Variants in GARS1 observed in about 807,000 individuals in gnomAD.
The protein encoded by GARS1 is glycyl-tRNA synthetase 1, also known as glycine--tRNA ligase.
GARS1 carries 46 observed loss-of-function variants against 86.4 expected under a neutral mutation model. The observed-to-expected ratio is 0.53, with a 90% CI of 0.42 to 0.68. The LOEUF (loss-of-function observed/expected upper bound fraction) is 0.68, where lower values mean the gene tolerates loss of function less well. GARS1 is among the 30% of genes least tolerant of loss of function. The probability of loss-of-function intolerance (pLI) is 0.00; values close to 1 mark genes in which losing one functional copy is unlikely to be tolerated. For missense variants in GARS1, 797 were observed against 915.6 expected, an observed-to-expected ratio of 0.87 and a Z score of 1.67; for synonymous variants, 342 against 329.8, an observed-to-expected ratio of 1.04 and a Z score of -0.40.
At chr7:30,628,517 T>C (rs1783171062) in intron 13 of GARS1, 43 bp from the exon 14 acceptor site, 1 of 1,336,370 alleles carries the variant, frequency 7.5e-7, no homozygotes, top group Non-Finnish European at 1.1e-6. Flanking sequence ...ATGCATTATG[T>C]GGTATTTGAG....
intron 14 of GARS1, among the ~76,000 whole-genome samples, chr7:30,629,228 A>C (rs1195247432): frequency 1.3e-5 from 2 of 152,178 alleles, no homozygotes; most frequent in African/African-American, 4.8e-5. Context: ...TCACTGTGAA[A>C]GCTTGACAGA....
intron 6 of GARS1, among the ~76,000 whole-genome samples, chr7:30,608,199 C>G (rs1791520594): frequency 3.3e-5 from 5 of 152,118 alleles, no homozygotes; most frequent in Admixed American, 3.3e-4. Context: ...GGATAGATGC[C>G]TAGAAATGGG....
chr7:30,595,753 G>A (rs1486788114), intron 1 of GARS1: 1 of 471,164 alleles, frequency 2.1e-6, no homozygotes, highest in Non-Finnish European at 4.4e-6. Context: ...GTGGGGAGGT[G>A]TCGAACTTTT....
At chr7:30,615,314 A>G (rs1158405443) in intron 8 of GARS1, among the ~76,000 whole-genome samples, 1 of 152,210 alleles carries the variant, frequency 6.6e-6, no homozygotes, top group Non-Finnish European at 1.5e-5. Context: ...GAACCATTTC[A>G]TTTCGCTTTT....
chr7:30,610,025 A>G (rs1030069664), intron 7 of GARS1, among the ~76,000 whole-genome samples: 6 of 152,228 alleles, frequency 3.9e-5, no homozygotes, highest in Non-Finnish European at 7.3e-5. Flanking sequence ...AATGGTTTTA[A>G]AAGCCGTTGA....
chr7:30,633,745 T>G lies in GARS1; in HGVS notation c.2105T>G (p.Leu702Arg). 1.2e-6 allele frequency: 2 copies of G among 1,614,076 alleles called. No individual in the cohort carries two copies. The highest frequency in any genetic ancestry group is 1.7e-6 in the Non-Finnish European group (2 of 1,179,962). Residue 702 changes from leucine to arginine, a missense_variant, in exon 17 of 17, where the codon CTG (leucine) becomes CGG (arginine). Transcript: ENST00000389266. ...TTTCCTTGTCTCTAGATCTCTGAGC[T>G]GCCCAGCATAGTCCAAGACCTAGCC... ...MRQIRAEISELPSIVQDLANG... is the reference protein window; with the variant it reads ...MRQIRAEISERPSIVQDLANG...
At position 30,598,841 on chromosome 7, in the gene GARS1, G is replaced by A; in HGVS notation, c.268G>A (p.Asp90Asn). 6.2e-7 allele frequency: 1 copy of A among 1,614,198 alleles called. No homozygotes were observed. Among genetic ancestry groups the A allele is most frequent in the African/African-American group, 1.3e-5 (1 of 75,060 alleles). The change falls in exon 2 of 17, where the codon GAC becomes AAC. Residue 90 changes from aspartate (D) to asparagine (N), a missense_variant. By Grantham distance (23) the Asp-to-Asn change is conservative (BLOSUM62 1). Around this residue, in one of 2 missense-constraint regions of GARS1, gnomAD observed 199 missense variants for 176.9 expected, o/e 1.12. Coordinates refer to ENST00000389266, the MANE Select transcript of GARS1 (RefSeq NM_002047.4). ...CAAAGAAGATAAAGCACCCCAAGTA[G>A]ACGTAGACAAAGCAGTGGCTGAGCT... ...KLKEDKAPQV[D>N]VDKAVAELKA... is the part of the protein sequence containing the mutation.
chr7:30,598,572 A>G (rs1791306681), intron 1 of GARS1, among the ~76,000 whole-genome samples: 1 of 151,838 alleles, frequency 6.6e-6, no homozygotes, highest in Non-Finnish European at 1.5e-5. Flanking sequence ...TATTTTCAGT[A>G]GCGATGGTGT....
At chr7:30,599,868 A>T (rs1791337063) in intron 2 of GARS1, 79 bp from the exon 3 acceptor site, 2 of 901,000 alleles carry the variant, frequency 2.2e-6, no homozygotes, top group Admixed American at 2.1e-5. Flanking sequence ...TCTGGTGAGG[A>T]ATAAACTAAA....
At chr7:30,598,648 T>C in intron 1 of GARS1, 148 bp from the exon 2 acceptor site, 1 of 686,844 alleles carries the variant, frequency 1.5e-6, no homozygotes. Flanking sequence ...CCTTTCAAAG[T>C]GCTGGTATTA....
At chr7:30,619,617 GC>G (rs1192207589) in intron 10 of GARS1, among the ~76,000 whole-genome samples, 1 of 152,074 alleles carries the variant, frequency 6.6e-6, no homozygotes, top group African/African-American at 2.4e-5. Context: ...ATGTCAGATT[GC>G]CAGGTTACAT....
chr7:30,599,256 C>G (rs916575001), intron 2 of GARS1, among the ~76,000 whole-genome samples: 1 of 152,132 alleles, frequency 6.6e-6, no homozygotes, highest in Non-Finnish European at 1.5e-5. Context: ...TATTTGATAC[C>G]TGCTCCCAGA....
chr7:30,619,741 T>C (rs189065241), intron 10 of GARS1, among the ~76,000 whole-genome samples: 13 of 152,064 alleles, frequency 8.5e-5, no homozygotes, highest in Admixed American at 8.5e-4. Flanking sequence ...TGTGATAACA[T>C]GTGCTTGGAA....
At chr7:30,601,898 C>T (rs181757514) in intron 4 of GARS1, among the ~76,000 whole-genome samples, 19 of 151,952 alleles carry the variant, frequency 1.3e-4, no homozygotes, top group African/African-American at 4.3e-4. Flanking sequence ...CCTGCCTCAG[C>T]CTCCCAAGTA....
At position 30,609,599 on chromosome 7, in the gene GARS1, A is replaced by C. The variant is rs766799218; in HGVS notation, c.750A>C (p.Gly250=). ...ESVLAQLDNY[G]QQELADLFVN... ...ATGTCTTTTAGCTTGATAACTATGGACAGCAAGAACTTGCGGATCTTTTTG... is the reference window on the plus strand; with the variant it reads ...ATGTCTTTTAGCTTGATAACTATGGCCAGCAAGAACTTGCGGATCTTTTTG... Residue 250 remains glycine (G), a synonymous_variant, in exon 7 of 17, where the codon GGA becomes GGC. Coordinates refer to ENST00000389266, the MANE Select transcript of GARS1 (RefSeq NM_002047.4). 6.2e-7 allele frequency: 1 copy of C among 1,612,914 alleles called. No homozygotes were observed. Among genetic ancestry groups the C allele is most frequent in the Non-Finnish European group, 8.5e-7 (1 of 1,179,224 alleles).
chr7:30,597,187 A>G (rs1449833052), intron 1 of GARS1, among the ~76,000 whole-genome samples: 2 of 152,030 alleles, frequency 1.3e-5, no homozygotes, highest in Admixed American at 6.6e-5. Context: ...TTTTTTTTTG[A>G]TAGTATTTGG....
chr7:30,616,764 A>G (rs965894505), intron 9 of GARS1, among the ~76,000 whole-genome samples: 1 of 152,186 alleles, frequency 6.6e-6, no homozygotes, highest in Non-Finnish European at 1.5e-5. Flanking sequence ...ACTTTGGTTA[A>G]TTCAGAGGGG....
Position 30,626,262 on chromosome 7 carries a change from A to G in GARS1, c.1642A>G (p.Thr548Ala). The G allele has an allele frequency of 1.2e-6, 2 of 1,608,266 alleles. No homozygotes were observed. The highest frequency in any genetic ancestry group is 8.5e-7 in the Non-Finnish European group (1 of 1,174,772). ...GEFTIETEGK[T>A]FQLTKDMINV... ...ATTCACAATTGAAACTGAAGGGAAA[A>G]CATTTCAGTTAACAAAAGACATGAT... The change falls in exon 13 of 17, where the codon ACA becomes GCA. Residue 548 changes from threonine to alanine, a missense_variant. Transcript: ENST00000389266.
Position 30,603,453 on chromosome 7 carries a change from C to A in GARS1, c.659-43C>A, listed in dbSNP as rs1558064. 0.6 allele frequency: 886,377 copies of A among 1,482,540 alleles called. 277,389 individuals are homozygous for A. Among genetic ancestry groups the A allele is most frequent in the Non-Finnish European group, 0.65 (690,449 of 1,062,114 alleles). 91.8% of individuals were successfully genotyped at this position (1,482,540 alleles called of 1,614,324 possible). Reference sequence around the variant, plus strand: ...GCATTGAAACTGAAAAGTGCATTGTCCTTTTTCCCATTGATTGATATATGT... The same window carrying A: ...GCATTGAAACTGAAAAGTGCATTGTACTTTTTCCCATTGATTGATATATGT... On this transcript the variant is annotated intron_variant, in intron 5 of 16. Transcript: ENST00000389266.
Sources: allele counts gnomAD v4.1 joint callset (sites outside exome capture counted in the v4.1 genomes callset), GRCh38; gene constraint gnomAD v4.1.1; regional missense constraint gnomAD v4.1.1; transcripts MANE v1.5; gene names NCBI Gene and HGNC (gene_info 2026-07-23, HGNC 2026-07-21).